Variants in CACNA1E observed in about 807,000 individuals in gnomAD.
CACNA1E encodes voltage-dependent R-type calcium channel subunit alpha-1E.
A neutral mutation model predicts 259.2 loss-of-function variants in CACNA1E; 40 were observed. The ratio of observed to expected loss-of-function variants is 0.15; its 90% CI spans 0.12 to 0.20. The LOEUF is 0.20. CACNA1E is among the 10% of genes least tolerant of loss of function. CACNA1E has a pLI of 1.00. For synonymous variants in CACNA1E, 1,104 were observed against 1,138.5 expected (o/e 0.97, Z 0.61); for missense variants, 1,874 against 3,040.1 (o/e 0.62, Z 9.02).
chr1:181,370,635 A>G (rs1185962900), intron 1 of CACNA1E, among the ~76,000 whole-genome samples: 1 of 152,108 alleles, frequency 6.6e-6, no homozygotes, highest in Non-Finnish European at 1.5e-5. Context: ...GCTGTGTAGT[A>G]TTCCATGGTG....
chr1:181,754,263 G>T (rs1484167352), intron 27 of CACNA1E, among the ~76,000 whole-genome samples: 1 of 152,118 alleles, frequency 6.6e-6, no homozygotes, highest in African/African-American at 2.4e-5. Flanking sequence ...TCGCTCTGCA[G>T]CTCCATAACC....
At chr1:181,340,942 G>C (rs1186729338) in intron 1 of CACNA1E, among the ~76,000 whole-genome samples, 1 of 152,130 alleles carries the variant, frequency 6.6e-6, no homozygotes, top group East Asian at 1.9e-4. Context: ...ATTACCTTGA[G>C]ATGTTGACAA....
intron 6 of CACNA1E, among the ~76,000 whole-genome samples, chr1:181,631,300 C>G (rs1200789064): frequency 1.3e-5 from 2 of 152,146 alleles, no homozygotes; most frequent in Non-Finnish European, 2.9e-5. Flanking sequence ...TGTTTCAGGT[C>G]CAGGGTGATG....
At chr1:181,529,637 G>T (rs978043517) in intron 3 of CACNA1E, among the ~76,000 whole-genome samples, 1 of 152,194 alleles carries the variant, frequency 6.6e-6, no homozygotes, top group Non-Finnish European at 1.5e-5. Context: ...TTTGGCATTG[G>T]CATGTCCTGG....
chr1:181,507,700 A>G (rs920647610), intron 1 of CACNA1E, among the ~76,000 whole-genome samples: 5 of 152,214 alleles, frequency 3.3e-5, no homozygotes, highest in Non-Finnish European at 5.9e-5. Flanking sequence ...TCAGGTTTTC[A>G]GGGGAAGAAG....
chr1:181,632,659 G>A (rs1192781990), intron 6 of CACNA1E, among the ~76,000 whole-genome samples: 1 of 152,164 alleles, frequency 6.6e-6, no homozygotes, highest in Non-Finnish European at 1.5e-5. Flanking sequence ...CATTTATAAA[G>A]TTCCTTATTG....
In CACNA1E at chr1:181,331,848, A is replaced by G. The variant is rs114359714; in HGVS notation, c.-15+13725A>G. Among the ~76,000 whole-genome samples, 409 of 152,304 alleles carry G rather than the reference A, an allele frequency of 2.7e-3. 2 individuals carry two copies. The highest frequency in any genetic ancestry group is 9.7e-3 in the African/African-American group (402 of 41,568). ...TTTATTAAATAGGGAATCCTTTCCC[A>G]ATTGCTAGTTTTTGTCAGGTTTGTC... On this transcript the variant is annotated intron_variant, in intron 1 of 11. Transcript: ENST00000524607.
chr1:181,570,600 G>A (rs908496596), intron 3 of CACNA1E, among the ~76,000 whole-genome samples: 2 of 152,182 alleles, frequency 1.3e-5, no homozygotes, highest in African/African-American at 4.8e-5. Context: ...CCTCCCCAGA[G>A]GCTTTAGTTC....
rs779685713 is a variant in CACNA1E at position 181,806,680 on chromosome 1, G to C, written c.*7846G>C. The C allele has an allele frequency of 6.6e-6, 1 of 152,160 alleles. No individual in the cohort carries two copies. The highest frequency in any genetic ancestry group is 2.4e-5 in the African/African-American group (1 of 41,428). 9.4% of individuals were successfully genotyped at this position (152,160 alleles called of 1,614,324 possible). On this transcript the variant is annotated 3_prime_UTR_variant, in exon 48 of 48. Transcript: ENST00000367573. ...CGGATATCCTATAATATAGATGCTC[G>C]TTTGGATCCAAAAGGAAAACCATTA...
intron 6 of CACNA1E, among the ~76,000 whole-genome samples, chr1:181,631,994 G>A (rs1283210835): frequency 5.3e-5 from 8 of 152,200 alleles, no homozygotes; most frequent in Non-Finnish European, 1.0e-4. Context: ...GGCACGAAGT[G>A]CAGGAGATGG....
chr1:181,544,974 G>C (rs537979172), intron 3 of CACNA1E, among the ~76,000 whole-genome samples: 1 of 152,316 alleles, frequency 6.6e-6, no homozygotes, highest in Non-Finnish European at 1.5e-5. Context: ...AAAATCTTCT[G>C]AGGTTCTTGT....
rs1406740401 is a variant in CACNA1E at position 181,793,672 on chromosome 1, A to G, written c.5906A>G (p.Glu1969Gly). The G allele has an allele frequency of 5.6e-6, 9 of 1,609,772 alleles. No individual in the cohort carries two copies. The highest frequency in any genetic ancestry group is 7.6e-6 in the Non-Finnish European group (9 of 1,178,752). The change falls in exon 45 of 48, where the codon GAG (glutamate) becomes GGG (glycine). Residue 1969 changes from glutamate to glycine, a missense_variant. Around this residue, in one of 14 missense-constraint regions of CACNA1E, gnomAD observed 542 missense variants for 587.2 expected, o/e 0.92. Transcript: ENST00000367573. ...CTGTGTGTTTATTTCCAGGAGCCAG[A>G]GGTTAGTGAATTAAAAAGCGTGCAG... is the stretch of plus-strand genomic sequence containing the variant. Reference protein sequence around the residue: ...QFQERQSLEPEVSELKSVQPS... With the variant: ...QFQERQSLEPGVSELKSVQPS...
intron 7 of CACNA1E, among the ~76,000 whole-genome samples, chr1:181,699,990 T>A (rs1307973438): frequency 1.3e-5 from 2 of 152,092 alleles, no homozygotes; most frequent in Admixed American, 1.3e-4. Context: ...GTGGTGAATT[T>A]GGGCTGGAGA....
At chr1:181,529,380 G>A (rs910366849) in intron 3 of CACNA1E, among the ~76,000 whole-genome samples, 3 of 152,240 alleles carry the variant, frequency 2.0e-5, no homozygotes, top group Non-Finnish European at 2.9e-5. Flanking sequence ...CTCTGCTAGG[G>A]CAGTGTGGAA....
At chr1:181,756,770 G>C (rs1369521913) in intron 29 of CACNA1E, among the ~76,000 whole-genome samples, 155 bp from the exon 30 acceptor site, 1 of 152,208 alleles carries the variant, frequency 6.6e-6, no homozygotes, top group Admixed American at 6.5e-5. Flanking sequence ...ATTGTTGATA[G>C]CAGGATATGA....
At chr1:181,535,287 G>T (rs982693241) in intron 3 of CACNA1E, among the ~76,000 whole-genome samples, 1 of 152,056 alleles carries the variant, frequency 6.6e-6, no homozygotes, top group Non-Finnish European at 1.5e-5. Context: ...TTTATAAAAT[G>T]TTTCCCCTCC....
chr1:181,592,536 T>C (rs1652763403), intron 6 of CACNA1E, among the ~76,000 whole-genome samples: 1 of 151,158 alleles, frequency 6.6e-6, no homozygotes, highest in South Asian at 2.1e-4. Context: ...AGGGGAAAGG[T>C]AATTTATTTC....
intron 6 of CACNA1E, among the ~76,000 whole-genome samples, chr1:181,620,655 TC>T (rs1185347339): frequency 6.6e-6 from 1 of 152,180 alleles, no homozygotes; most frequent in Non-Finnish European, 1.5e-5. Context: ...CTTGGAGAGT[TC>T]CCTTAAGGAA....
At chr1:181,501,946 CT>C (rs968330178) in intron 1 of CACNA1E, among the ~76,000 whole-genome samples, 1 of 151,270 alleles carries the variant, frequency 6.6e-6, no homozygotes, top group African/African-American at 2.4e-5. Flanking sequence ...GTTTTTTAGT[CT>C]TTTTTTTTAA....
Sources: allele counts gnomAD v4.1 joint callset (sites outside exome capture counted in the v4.1 genomes callset), GRCh38; gene constraint gnomAD v4.1.1; regional missense constraint gnomAD v4.1.1; transcripts MANE v1.5; gene names NCBI Gene and HGNC (gene_info 2026-07-23, HGNC 2026-07-21).